The following C13orf42 variants were observed in gnomAD, a reference collection of about 807,000 sequenced individuals.
C13orf42 encodes chromosome 13 open reading frame 42.
intron 1 of C13orf42, among the ~76,000 whole-genome samples, chr13:51,119,875 A>G (rs3926804): frequency 0.36 from 54,948 of 151,818 alleles, 12,036 homozygotes; most frequent in African/African-American, 0.61. Context: ...TAAATTGTAC[A>G]TTTAAAAATG....
At chr13:51,148,758 G>A (rs1203012146) in intron 1 of C13orf42, among the ~76,000 whole-genome samples, 3 of 152,204 alleles carry the variant, frequency 2.0e-5, no homozygotes, top group Non-Finnish European at 2.9e-5. Context: ...CAAATGCCCC[G>A]CTGGCCTCAG....
chr13:51,139,511 C>G (rs1217005500), intron 1 of C13orf42, among the ~76,000 whole-genome samples: 1 of 152,138 alleles, frequency 6.6e-6, no homozygotes, highest in East Asian at 1.9e-4. Flanking sequence ...TGCTGGGCTG[C>G]ATTCCCAGGA....
intron 1 of C13orf42, among the ~76,000 whole-genome samples, chr13:51,148,605 T>A (rs764843792): frequency 6.6e-6 from 1 of 152,142 alleles, no homozygotes; most frequent in Non-Finnish European, 1.5e-5. Flanking sequence ...GGGGGTCCAA[T>A]GACACCTGGG....
At chr13:51,151,389 A>AAAAC (rs996953031) in intron 1 of C13orf42, among the ~76,000 whole-genome samples, 4 of 152,278 alleles carry the variant, frequency 2.6e-5, no homozygotes, top group South Asian at 2.1e-4. Context: ...AAAAAAAGAA[A>AAAAC]AAACAAACAA....
At chr13:51,110,676 C>A (rs1953418074) in intron 1 of C13orf42, 120 bp downstream of exon 1, 3 of 396,976 alleles carry the variant, frequency 7.6e-6, no homozygotes, top group Non-Finnish European at 1.3e-5. Context: ...GACTATTGCG[C>A]CGCGGCTCAG....
chr13:51,159,671 G>A (rs566634297), intron 1 of C13orf42, among the ~76,000 whole-genome samples: 41 of 152,296 alleles, frequency 2.7e-4, no homozygotes, highest in African/African-American at 8.9e-4. Context: ...AAATAGATCC[G>A]AAGGACATGG....
chr13:51,101,074 TTAAAA>T (rs1476204450), intron 1 of C13orf42, among the ~76,000 whole-genome samples: 2 of 152,138 alleles, frequency 1.3e-5, no homozygotes, highest in African/African-American at 4.8e-5. Context: ...GTTTAACAAA[TTAAAA>T]TAAAGCATGG....
chr13:51,151,457 C>A (rs549626659), intron 1 of C13orf42, among the ~76,000 whole-genome samples: 1 of 152,314 alleles, frequency 6.6e-6, no homozygotes, highest in South Asian at 2.1e-4. Flanking sequence ...CTGAACCCTG[C>A]GGACACCTTG....
rs1049837327 is a variant in C13orf42 at position 51,111,138 on chromosome 13, G to A, written c.72C>T (p.Tyr24=). 2 of 398,618 alleles carry A rather than the reference G, an allele frequency of 5.0e-6. No individual in the cohort carries two copies. Among genetic ancestry groups the A allele is most frequent in the Non-Finnish European group, 8.8e-6 (2 of 226,082 alleles). The allele number at this position is 398,618 out of a possible 1,614,324, so 24.7% of individuals were successfully genotyped here. The stretch of plus-strand genomic sequence containing the variant: ...GCTTCACTGCGGGGCTGGCTCCTTC[G>A]TAGAAGGGGCTCTCGGCCGCCGTCT... The part of the protein sequence containing the change: ...QRKTAAESPF[Y]EGASPAVKLI... The change falls in exon 1 of 4, where the codon TAC becomes TAT. Residue 24 remains tyrosine, a synonymous_variant. Transcript: ENST00000563710.
At chr13:51,121,499 G>A (rs1351009145) in intron 1 of C13orf42, among the ~76,000 whole-genome samples, 3 of 150,916 alleles carry the variant, frequency 2.0e-5, no homozygotes, top group Non-Finnish European at 4.4e-5. Flanking sequence ...CTTTGATTTG[G>A]CTATTCCACT....
intron 1 of C13orf42, among the ~76,000 whole-genome samples, chr13:51,119,859 C>T (rs759898099): frequency 4.6e-5 from 7 of 151,996 alleles, no homozygotes; most frequent in Admixed American, 1.3e-4. Context: ...ATGTACTTAA[C>T]GCCACTAAAT....
intron 1 of C13orf42, among the ~76,000 whole-genome samples, chr13:51,108,505 C>T (rs1267607732): frequency 2.6e-5 from 4 of 152,192 alleles, no homozygotes; most frequent in Non-Finnish European, 5.9e-5. Flanking sequence ...ATTTCACAGG[C>T]AGGCCCAGCA....
intron 1 of C13orf42, among the ~76,000 whole-genome samples, chr13:51,147,937 C>T (rs541616011): frequency 6.0e-5 from 9 of 149,088 alleles, no homozygotes; most frequent in African/African-American, 1.5e-4. Flanking sequence ...TGAGAAGCCC[C>T]GGATTAGGGG....
chr13:51,145,024 C>T (rs7332281), intron 1 of C13orf42, among the ~76,000 whole-genome samples: 93,779 of 152,026 alleles, frequency 0.62, 29,217 homozygotes, highest in African/African-American at 0.7. Context: ...ACACCTGTTG[C>T]TAGATTCTAG....
At chr13:51,086,357 T>C (rs1163630604) in intron 2 of C13orf42, among the ~76,000 whole-genome samples, 1 of 150,922 alleles carries the variant, frequency 6.6e-6, no homozygotes, top group Non-Finnish European at 1.5e-5. Context: ...CACAGATCTA[T>C]ATTTATGGGC....
chr13:51,154,078 G>A (rs1015107704), intron 1 of C13orf42, among the ~76,000 whole-genome samples: 2 of 152,072 alleles, frequency 1.3e-5, no homozygotes, highest in Admixed American at 1.3e-4. Flanking sequence ...TCACACAAGT[G>A]AATCATACAG....
At chr13:51,116,037 CCTT>C (rs1953487826), upstream of C13orf42, among the ~76,000 whole-genome samples, 1 of 151,992 alleles carries the variant, frequency 6.6e-6, no homozygotes, top group Non-Finnish European at 1.5e-5. Context: ...CTACACCATC[CCTT>C]CTTACTTTAA....
intron 1 of C13orf42, among the ~76,000 whole-genome samples, chr13:51,171,017 C>T (rs953159947): frequency 6.6e-6 from 1 of 151,960 alleles, no homozygotes; most frequent in African/African-American, 2.4e-5. Context: ...TCTGTGCCCC[C>T]ATCCCTTATT....
chr13:51,160,060 G>A (rs1953853049), intron 1 of C13orf42, among the ~76,000 whole-genome samples: 1 of 152,204 alleles, frequency 6.6e-6, no homozygotes. Context: ...TGGCTCCCAT[G>A]ATTCAATTAC....
Sources: gnomAD v4.1 joint callset for allele counts (sites outside exome capture counted in the v4.1 genomes callset) on GRCh38, gnomAD v4.1.1 for gene constraint, MANE v1.5 for transcripts, NCBI Gene and HGNC (gene_info 2026-07-23, HGNC 2026-07-21) for gene names.